The following FOXO3 variants were observed in gnomAD, a reference collection of about 807,000 sequenced individuals.
FOXO3 encodes the protein forkhead box protein O3.
FOXO3 carries 4 observed loss-of-function variants against 41.9 expected under a neutral mutation model. That is an observed-to-expected ratio of 0.10 (90% CI 0.05 to 0.22). The LOEUF is 0.22. Among genes scored for constraint, FOXO3 ranks in the 10% least tolerant of loss-of-function variants. The probability of loss-of-function intolerance (pLI) is 1.00; values close to 1 mark genes in which losing one functional copy is unlikely to be tolerated. For missense variants in FOXO3, 534 were observed against 906.8 expected (o/e 0.59, Z 5.28); for synonymous variants, 318 against 389.3 (o/e 0.82, Z 2.16).
chr6:108,661,310 G>A (rs951150427), intron 1 of FOXO3, among the ~76,000 whole-genome samples: 2 of 151,992 alleles, frequency 1.3e-5, no homozygotes, highest in Non-Finnish European at 2.9e-5. Flanking sequence ...GTTCGTGATT[G>A]CCAATTTAAA....
intron 1 of FOXO3, among the ~76,000 whole-genome samples, chr6:108,579,231 T>C (rs1414697842): frequency 1.3e-5 from 2 of 152,208 alleles, no homozygotes; most frequent in Admixed American, 6.5e-5. Context: ...TCCAAGATGA[T>C]ATGGCTTGAG....
intron 2 of FOXO3, among the ~76,000 whole-genome samples, chr6:108,665,745 G>C (rs778244507): frequency 2.6e-4 from 39 of 150,640 alleles, no homozygotes; most frequent in East Asian, 2.0e-4. Context: ...GGAGTTTGAG[G>C]CTGCAGTGAG....
At chr6:108,613,155 T>C (rs1394763108) in intron 1 of FOXO3, among the ~76,000 whole-genome samples, 1 of 152,228 alleles carries the variant, frequency 6.6e-6, no homozygotes, top group Non-Finnish European at 1.5e-5. Flanking sequence ...AGCTAAAATT[T>C]TGTTAAGGAT....
intron 1 of FOXO3, among the ~76,000 whole-genome samples, chr6:108,658,624 C>T (rs141268869): frequency 9.4e-4 from 142 of 150,766 alleles, no homozygotes; most frequent in African/African-American, 3.3e-3. Flanking sequence ...GGTTTCGCCA[C>T]GTTGGCCAGC....
intron 1 of FOXO3, 92 bp downstream of exon 1, chr6:108,561,921 C>T: frequency 1.4e-6 from 2 of 1,460,904 alleles, no homozygotes; most frequent in Non-Finnish European, 1.8e-6. Flanking sequence ...CGCTTGCGGG[C>T]TCCAGGGCAA....
At chr6:108,587,753 T>G (rs1266029081) in intron 1 of FOXO3, among the ~76,000 whole-genome samples, 1 of 152,262 alleles carries the variant, frequency 6.6e-6, no homozygotes, top group African/African-American at 2.4e-5. Flanking sequence ...ACAGAGGTTA[T>G]CTGTACTTAC....
chr6:108,574,712 A>G (rs113968842), intron 1 of FOXO3, among the ~76,000 whole-genome samples: 3,211 of 152,304 alleles, frequency 0.021, 118 homozygotes, highest in African/African-American at 0.071. Context: ...TTTGTCTTCA[A>G]GGTAAAAATA....
At chr6:108,580,990 T>A (rs1776404384) in intron 1 of FOXO3, among the ~76,000 whole-genome samples, 1 of 152,220 alleles carries the variant, frequency 6.6e-6, no homozygotes, top group Non-Finnish European at 1.5e-5. Flanking sequence ...GATTCAGAAA[T>A]GAGACACATA....
intron 1 of FOXO3, among the ~76,000 whole-genome samples, chr6:108,625,103 A>G (rs931933493): frequency 6.6e-5 from 10 of 152,306 alleles, no homozygotes; most frequent in African/African-American, 2.4e-4. Context: ...TTATAGACTC[A>G]TACTAAAAAG....
chr6:108,595,747 T>A (rs1373012032), intron 1 of FOXO3, among the ~76,000 whole-genome samples: 1 of 152,152 alleles, frequency 6.6e-6, no homozygotes, highest in Non-Finnish European at 1.5e-5. Flanking sequence ...TTAAGTCACT[T>A]CTGTCTAAGG....
At chr6:108,666,326 TTTTTTC>T (rs1439958755) in intron 2 of FOXO3, among the ~76,000 whole-genome samples, 1 of 151,610 alleles carries the variant, frequency 6.6e-6, no homozygotes, top group Non-Finnish European at 1.5e-5. Flanking sequence ...TGATTTCTTT[TTTTTTC>T]TTTTTCTTTT....
At chr6:108,646,584 A>C (rs1278184797) in intron 1 of FOXO3, among the ~76,000 whole-genome samples, 2 of 152,196 alleles carry the variant, frequency 1.3e-5, no homozygotes, top group Non-Finnish European at 2.9e-5. Context: ...TTTTCTATTC[A>C]GATTTTAAAC....
intron 1 of FOXO3, among the ~76,000 whole-genome samples, chr6:108,574,050 G>C (rs963219144): frequency 1.3e-5 from 2 of 151,916 alleles, no homozygotes; most frequent in Non-Finnish European, 2.9e-5. Flanking sequence ...CTACTCTGGA[G>C]GCTGAGGCAG....
chr6:108,586,936 A>ATATTATTATTATTAT (rs143546022), intron 1 of FOXO3, among the ~76,000 whole-genome samples: 40 of 133,618 alleles, frequency 3.0e-4, no homozygotes, highest in African/African-American at 9.6e-4. Context: ...CTGAACGTAA[A>ATATTATTATTATTAT]TATTATTATT....
intron 1 of FOXO3, among the ~76,000 whole-genome samples, chr6:108,597,966 A>G (rs976853173): frequency 1.3e-5 from 2 of 152,216 alleles, no homozygotes; most frequent in Non-Finnish European, 2.9e-5. Context: ...GAAGCTATAT[A>G]TATTTGTTAA....
chr6:108,601,601 GC>G (rs1278295857), intron 1 of FOXO3, among the ~76,000 whole-genome samples: 2 of 152,308 alleles, frequency 1.3e-5, no homozygotes, highest in East Asian at 3.9e-4. Flanking sequence ...ACCGCACCCA[GC>G]CCCCCTTCTA....
intron 1 of FOXO3, among the ~76,000 whole-genome samples, chr6:108,586,293 T>C (rs1776578841): frequency 6.6e-6 from 1 of 152,220 alleles, no homozygotes; most frequent in African/African-American, 2.4e-5. Flanking sequence ...ACTTATGTTA[T>C]GCCTTTAAAT....
At chr6:108,622,216 G>T (rs192276035) in intron 1 of FOXO3, among the ~76,000 whole-genome samples, 134 of 135,128 alleles carry the variant, frequency 9.9e-4, no homozygotes, top group Middle Eastern at 9.6e-3. Flanking sequence ...CCCAAATCAT[G>T]CCACTGCACT....
At chr6:108,626,902 G>A (rs1777826606) in intron 1 of FOXO3, among the ~76,000 whole-genome samples, 1 of 152,228 alleles carries the variant, frequency 6.6e-6, no homozygotes, top group Admixed American at 6.5e-5. Context: ...ACACGAAAAG[G>A]TTGGATGAGC....
Sources: gnomAD v4.1 joint callset for allele counts (sites outside exome capture counted in the v4.1 genomes callset) on GRCh38, gnomAD v4.1.1 for gene constraint, MANE v1.5 for transcripts, NCBI Gene and HGNC (gene_info 2026-07-23, HGNC 2026-07-21) for gene names.